The following PRKCE variants were observed in gnomAD, a reference collection of about 807,000 sequenced individuals.
PRKCE encodes protein kinase C epsilon type.
Under a neutral mutation model 85.4 loss-of-function variants are expected in PRKCE, and 16 were observed. The ratio of observed to expected loss-of-function variants is 0.19; its 90% CI spans 0.13 to 0.28. PRKCE has a LOEUF of 0.28. Ranked by LOEUF, PRKCE falls within the 10% of genes least tolerant of loss-of-function variation. PRKCE has a pLI of 1.00. For synonymous variants in PRKCE, 388 were observed against 371.5 expected (o/e 1.04, Z -0.51); for missense variants, 573 against 975.2 (o/e 0.59, Z 5.49).
chr2:45,655,865 A>ACTGG (rs1198715869), intron 1 of PRKCE, among the ~76,000 whole-genome samples: 1 of 151,466 alleles, frequency 6.6e-6, no homozygotes. Context: ...AAAAAAAAAA[A>ACTGG]AAAAAAGGTA....
intron 1 of PRKCE, among the ~76,000 whole-genome samples, chr2:45,823,058 G>C (rs1031689293): frequency 1.3e-5 from 2 of 152,158 alleles, no homozygotes; most frequent in African/African-American, 4.8e-5. Context: ...TAGGCCCAGG[G>C]GAAACAAAGA....
intron 1 of PRKCE, among the ~76,000 whole-genome samples, chr2:45,736,371 C>T (rs2104596541): frequency 6.6e-6 from 1 of 152,300 alleles, no homozygotes; most frequent in African/African-American, 2.4e-5. Context: ...AGTTGGAAGG[C>T]TGCTCTGGGT....
intron 1 of PRKCE, among the ~76,000 whole-genome samples, chr2:45,653,370 GTTTTTTTTTTTT>G (rs34888247): frequency 2.6e-4 from 16 of 61,484 alleles, no homozygotes; most frequent in South Asian, 2.3e-3. Context: ...TTTTTGGGTT[GTTTTTTTTTTTT>G]TTTTTTTTTT....
At chr2:46,045,029 G>A (rs568082086) in intron 10 of PRKCE, among the ~76,000 whole-genome samples, 6 of 152,270 alleles carry the variant, frequency 3.9e-5, no homozygotes, top group African/African-American at 1.4e-4. Context: ...TATTCTACAG[G>A]TGAGTTAAAG....
chr2:45,743,008 A>G (rs1682705495), intron 1 of PRKCE, among the ~76,000 whole-genome samples: 1 of 152,254 alleles, frequency 6.6e-6, no homozygotes, highest in African/African-American at 2.4e-5. Flanking sequence ...GCTAAATGAA[A>G]TAAGCCAGTC....
At chr2:45,745,407 C>T (rs1683060533) in intron 1 of PRKCE, among the ~76,000 whole-genome samples, 1 of 152,162 alleles carries the variant, frequency 6.6e-6, no homozygotes, top group Admixed American at 6.5e-5. Context: ...TTGTGCTTCG[C>T]TTTCTCATCC....
intron 1 of PRKCE, among the ~76,000 whole-genome samples, chr2:45,718,611 G>C (rs2104439619): frequency 1.3e-5 from 2 of 152,112 alleles, no homozygotes; most frequent in South Asian, 4.2e-4. Flanking sequence ...CAAAGTGCTG[G>C]GATTATAGGC....
At chr2:45,877,429 G>A (rs183369701) in intron 2 of PRKCE, among the ~76,000 whole-genome samples, 114 of 151,712 alleles carry the variant, frequency 7.5e-4, no homozygotes, top group African/African-American at 2.4e-3. Flanking sequence ...TTTCTTCTAC[G>A]TTTTCTATCT....
At chr2:45,785,108 A>G (rs1686492180) in intron 1 of PRKCE, among the ~76,000 whole-genome samples, 1 of 152,132 alleles carries the variant, frequency 6.6e-6, no homozygotes, top group South Asian at 2.1e-4. Flanking sequence ...ATATTATTTC[A>G]TTTTCATTGC....
At chr2:45,842,634 T>C (rs982081583) in intron 1 of PRKCE, among the ~76,000 whole-genome samples, 3 of 152,204 alleles carry the variant, frequency 2.0e-5, no homozygotes, top group African/African-American at 7.2e-5. Context: ...GAATGATTCT[T>C]TGTTGCGAGG....
In PRKCE at chr2:45,656,134, T is replaced by G. The variant is rs576679491; in HGVS notation, c.348+3686T>G. ...CTTTTTTCTGAGTACTGCCTGTGCT[T>G]TCATTTACTTAATATTTAAAAAATT... On this transcript the variant is annotated intron_variant, in intron 1 of 14. Transcript: ENST00000306156. 2.2e-4 allele frequency among the ~76,000 whole-genome samples: 33 copies of G among 152,344 alleles called. 3 individuals carry two copies. In the South Asian group the frequency reaches 6.0e-3, roughly 28 times the overall value.
chr2:45,829,363 C>A (rs10865208), intron 1 of PRKCE, among the ~76,000 whole-genome samples: 1 of 151,930 alleles, frequency 6.6e-6, no homozygotes, highest in Non-Finnish European at 1.5e-5. Context: ...TATTTTGGAG[C>A]TTCTATTCAA....
chr2:46,124,383 T>C (rs1673645023), intron 11 of PRKCE, among the ~76,000 whole-genome samples: 1 of 152,212 alleles, frequency 6.6e-6, no homozygotes, highest in Non-Finnish European at 1.5e-5. Flanking sequence ...CTATTTCTAA[T>C]TTTAATCGTG....
intron 7 of PRKCE, among the ~76,000 whole-genome samples, chr2:46,002,290 A>G (rs1193853627): frequency 6.6e-6 from 1 of 152,250 alleles, no homozygotes; most frequent in African/African-American, 2.4e-5. Context: ...CCATGTTAAC[A>G]GGGCAGAAAA....
At chr2:45,669,839 C>T (rs992678624) in intron 1 of PRKCE, among the ~76,000 whole-genome samples, 2 of 151,994 alleles carry the variant, frequency 1.3e-5, no homozygotes, top group Admixed American at 6.6e-5. Context: ...GGCGAAACCC[C>T]GTCTCTACTA....
intron 1 of PRKCE, among the ~76,000 whole-genome samples, chr2:45,730,031 G>C (rs1225207792): frequency 6.6e-5 from 10 of 152,146 alleles, no homozygotes; most frequent in Admixed American, 6.6e-4. Flanking sequence ...TGAGTCCGTT[G>C]GTTAACCTTG....
chr2:45,808,883 G>A (rs1175384363), intron 1 of PRKCE, among the ~76,000 whole-genome samples: 1 of 152,080 alleles, frequency 6.6e-6, no homozygotes, highest in Non-Finnish European at 1.5e-5. Flanking sequence ...ACAATACCTG[G>A]GATGGGCATG....
At chr2:45,752,784 T>C (rs1196037878) in intron 1 of PRKCE, among the ~76,000 whole-genome samples, 6 of 152,170 alleles carry the variant, frequency 3.9e-5, no homozygotes, top group African/African-American at 9.7e-5. Context: ...TCAGTGTGCC[T>C]GGAGAAGTTG....
At chr2:46,067,163 T>C (rs1667689034) in intron 10 of PRKCE, among the ~76,000 whole-genome samples, 1 of 152,234 alleles carries the variant, frequency 6.6e-6, no homozygotes, top group Non-Finnish European at 1.5e-5. Context: ...GCATTGGCTA[T>C]TAATTGGCCA....
Sources: allele counts gnomAD v4.1 joint callset (sites outside exome capture counted in the v4.1 genomes callset), GRCh38; gene constraint gnomAD v4.1.1; transcripts MANE v1.5; gene names NCBI Gene and HGNC (gene_info 2026-07-23, HGNC 2026-07-21).